Variants in SDK2 observed in about 807,000 individuals in gnomAD.
SDK2 encodes sidekick cell adhesion molecule 2.
SDK2 carries 105 observed loss-of-function variants against 253.9 expected under a neutral mutation model. The observed-to-expected ratio is 0.41, with a 90% CI of 0.35 to 0.49. SDK2 has a LOEUF of 0.49. Ranked by LOEUF, SDK2 falls within the 20% of genes least tolerant of loss-of-function variation. The pLI is 0.06. For missense variants in SDK2, 2,608 were observed against 3,003.0 expected, an observed-to-expected ratio of 0.87 and a Z score of 3.07; for synonymous variants, 1,249 against 1,234.9, an observed-to-expected ratio of 1.01 and a Z score of -0.24.
At chr17:73,387,156 C>T (rs564967323) in intron 30 of SDK2, among the ~76,000 whole-genome samples, 1 of 152,332 alleles carries the variant, frequency 6.6e-6, no homozygotes, top group Admixed American at 6.5e-5. Context: ...GACAGGTTTT[C>T]ACCATGTTGG....
Position 73,415,889 on chromosome 17 carries a change from C to T in SDK2, c.2290G>A (p.Glu764Lys), listed in dbSNP as rs772340490. The T allele has an allele frequency of 9.4e-6, 15 of 1,597,208 alleles. No individual in the cohort carries two copies. Among genetic ancestry groups the T allele is most frequent in the South Asian group, 2.3e-5 (2 of 87,906 alleles). ...CTGTTGTAAGCAGCCACCTCGATCTCGTAGTTGGTCCAAATGATGAGATCC... is the reference window on the plus strand; with the variant it reads ...CTGTTGTAAGCAGCCACCTCGATCTTGTAGTTGGTCCAAATGATGAGATCC... ...LEDLIIWTNY[E>K]IEVAAYNSAG... The change falls in exon 17 of 45, where the codon GAG (glutamate) becomes AAG (lysine). Residue 764 changes from glutamate to lysine, a missense_variant. By Grantham distance (56) the Glu-to-Lys change is moderately conservative. Coordinates refer to ENST00000392650, the MANE Select transcript of SDK2 (RefSeq NM_001144952.2).
Position 73,339,420 on chromosome 17 carries a change from C to T in SDK2, c.6166-480G>A, listed in dbSNP as rs182229959. The stretch of plus-strand genomic sequence containing the variant: ...TTTTTTGGTATGTTTAGGGGTTTCA[C>T]CATGTTAGCTAGGCTGGTCTTGAAC... On this transcript the variant is annotated intron_variant, in intron 44 of 44. Transcript: ENST00000392650. Among the ~76,000 whole-genome samples, 5 of 151,932 alleles carry T rather than the reference C, an allele frequency of 3.3e-5. No individual in the cohort carries two copies. In the East Asian group the frequency reaches 9.7e-4, roughly 29 times the overall value.
intron 1 of SDK2, among the ~76,000 whole-genome samples, chr17:73,617,190 G>T (rs999835472): frequency 2.0e-5 from 3 of 149,714 alleles, no homozygotes; most frequent in African/African-American, 7.4e-5. Context: ...CTCCAGGGGA[G>T]GGGAGGGGCC....
intron 18 of SDK2, among the ~76,000 whole-genome samples, chr17:73,408,046 C>CT (rs373774628): frequency 0.088 from 4,458 of 50,824 alleles, 770 homozygotes; most frequent in African/African-American, 0.28. Flanking sequence ...TAAAATATTT[C>CT]CTTTTTTTTT....
chr17:73,424,779 G>A (rs1351745767), intron 12 of SDK2, among the ~76,000 whole-genome samples: 2 of 152,210 alleles, frequency 1.3e-5, no homozygotes, highest in African/African-American at 2.4e-5. Context: ...TGAGGAACCC[G>A]GTGGTGGCTG....
chr17:73,627,598 C>A (rs1387824074), intron 1 of SDK2, among the ~76,000 whole-genome samples: 3 of 152,206 alleles, frequency 2.0e-5, no homozygotes, highest in Non-Finnish European at 4.4e-5. Context: ...CCTAGGCGGA[C>A]AGGTCAGGAG....
intron 39 of SDK2, among the ~76,000 whole-genome samples, chr17:73,360,748 C>G (rs895794344): frequency 2.0e-5 from 3 of 151,952 alleles, no homozygotes; most frequent in African/African-American, 7.3e-5. Context: ...AGTTGGAGAC[C>G]AGCCTGGCCA....
chr17:73,427,642 C>A (rs376864409), intron 12 of SDK2, among the ~76,000 whole-genome samples: 38 of 105,758 alleles, frequency 3.6e-4, no homozygotes, highest in South Asian at 7.2e-4. Context: ...CATCCACATG[C>A]AAAAAAAAAA....
chr17:73,626,377 A>G (rs2143226805), intron 1 of SDK2, among the ~76,000 whole-genome samples: 1 of 152,342 alleles, frequency 6.6e-6, no homozygotes, highest in South Asian at 2.1e-4. Flanking sequence ...CCAAACCCCA[A>G]GGGCTGGGCA....
intron 6 of SDK2, 134 bp downstream of exon 6, chr17:73,440,678 G>A (rs2063408319): frequency 1.4e-6 from 1 of 709,426 alleles, no homozygotes; most frequent in Admixed American, 2.1e-5. Context: ...CAGCCAGCAG[G>A]TCTCCTTGCA....
At chr17:73,502,707 TCCCA>T (rs2063899920) in intron 2 of SDK2, among the ~76,000 whole-genome samples, 1 of 152,186 alleles carries the variant, frequency 6.6e-6, no homozygotes. Flanking sequence ...AATCTCCTTA[TCCCA>T]ACCACCATAG....
rs756230449 is a variant in SDK2, at chr17:73,385,856, G to T, written c.4560C>A (p.Ile1520=). The T allele has an allele frequency of 7.5e-6, 12 of 1,607,422 alleles. No individual in the cohort carries two copies. The South Asian group carries it at 1.1e-4, about 15-fold the overall frequency. The change falls in exon 32 of 45, where the codon ATC becomes ATA. Residue 1520 remains isoleucine (I), a synonymous_variant. Coordinates refer to ENST00000392650, the MANE Select transcript of SDK2 (RefSeq NM_001144952.2). ...VTPHTTTSVL[I]RWQPPAEDKI... ...GCCCGCTGGGCCATACCTGCCATCG[G>T]ATTAGCACGGAGGTGGTGGTGTGGG...
At position 73,431,279 on chromosome 17, in the gene SDK2, C is replaced by A. The variant is rs1042461562; in HGVS notation, c.1480+223G>T. Among the ~76,000 whole-genome samples the A allele has an allele frequency of 7.2e-5, 11 of 152,290 alleles. No individual in the cohort carries two copies. Among genetic ancestry groups the A allele is most frequent in the African/African-American group, 2.6e-4 (11 of 41,556 alleles). On this transcript the variant is annotated intron_variant, in intron 11 of 44. Coordinates refer to ENST00000392650, the MANE Select transcript of SDK2 (RefSeq NM_001144952.2). This position sits in a 1 kb window ranked among gnomAD's most constrained non-coding sequence, Gnocchi z 5.6. ...CTATAACTTCAATGTTCTCTCAAGT[C>A]GGCCAAGCATAGCATCACCGGCAGA...
intron 1 of SDK2, among the ~76,000 whole-genome samples, chr17:73,601,567 C>T (rs191416651): frequency 2.0e-5 from 3 of 152,024 alleles, no homozygotes; most frequent in African/African-American, 7.2e-5. Context: ...GGGATAGGGC[C>T]GAGGGACAAC....
intron 1 of SDK2, among the ~76,000 whole-genome samples, chr17:73,579,033 G>A (rs1388694732): frequency 1.3e-5 from 2 of 152,120 alleles, no homozygotes; most frequent in Non-Finnish European, 2.9e-5. Flanking sequence ...GGACCCAGGA[G>A]CCATCCCCAC....
chr17:73,469,983 C>CGT (rs1567791259), intron 3 of SDK2, among the ~76,000 whole-genome samples: 22 of 94,634 alleles, frequency 2.3e-4, no homozygotes, highest in Non-Finnish European at 3.3e-4. Context: ...TTTGCGACTG[C>CGT]GCGCGCGCGC....
At chr17:73,604,051 C>T (rs2143076520) in intron 1 of SDK2, among the ~76,000 whole-genome samples, 1 of 152,382 alleles carries the variant, frequency 6.6e-6, no homozygotes, top group African/African-American at 2.4e-5. Context: ...AGCAGATCCC[C>T]TGGAGATTGC....
At chr17:73,631,764 G>A (rs2046273907) in intron 1 of SDK2, among the ~76,000 whole-genome samples, 1 of 152,212 alleles carries the variant, frequency 6.6e-6, no homozygotes, top group African/African-American at 2.4e-5. Flanking sequence ...GACCTACTTT[G>A]CAAGGGGCTG....
At position 73,374,113 on chromosome 17, in the gene SDK2, G is replaced by A. The variant is rs1031945586; in HGVS notation, c.4980+5064C>T. ...TTCTGGAAGCATGTTCTTCCCATGA[G>A]CTCTGAGACATCACTCAGTTTTTGG... On this transcript the variant is annotated intron_variant, in intron 36 of 44. Transcript: ENST00000392650. 2.8e-5 allele frequency among the ~76,000 whole-genome samples: 4 copies of A among 145,136 alleles called. 1 individual carries two copies. The highest frequency in any genetic ancestry group is 1.1e-4 in the African/African-American group (4 of 36,584).
Sources: gnomAD v4.1 joint callset for allele counts (sites outside exome capture counted in the v4.1 genomes callset) on GRCh38, gnomAD v4.1.1 for gene constraint, Gnocchi (gnomAD v3.1) non-coding constraint, MANE v1.5 for transcripts, NCBI Gene and HGNC (gene_info 2026-07-23, HGNC 2026-07-21) for gene names.